Variants in SLC9D1 observed in about 807,000 individuals in gnomAD.
SLC9D1 encodes putative LAG1-interacting protein.
chr13:113,503,334 A>G, the SLC9D1 span, among the ~76,000 whole-genome samples: 1 of 122,938 alleles, frequency 8.1e-6, no homozygotes, highest in Non-Finnish European at 1.6e-5. Flanking sequence ...TAATCGAAGT[A>G]CACTGTGTGA....
At chr13:113,532,079 C>T in the SLC9D1 span, among the ~76,000 whole-genome samples, 1 of 152,268 alleles carries the variant, frequency 6.6e-6, no homozygotes. Flanking sequence ...TACCAGGCTG[C>T]CATAATAGGT....
chr13:113,495,925 A>G, the SLC9D1 span: 7 of 1,614,138 alleles, frequency 4.3e-6, no homozygotes, highest in Non-Finnish European at 5.9e-6. Context: ...CAAGCTGTCT[A>G]CGGACTGCAG....
chr13:113,515,558 T>A, the SLC9D1 span, among the ~76,000 whole-genome samples: 9 of 152,276 alleles, frequency 5.9e-5, no homozygotes, highest in South Asian at 1.4e-3. Flanking sequence ...TTTGTACCTT[T>A]TTTCTTGATC....
chr13:113,519,761 C>G, the SLC9D1 span, among the ~76,000 whole-genome samples: 1 of 149,836 alleles, frequency 6.7e-6, no homozygotes, highest in African/African-American at 2.5e-5. Flanking sequence ...CCAAGTCTGT[C>G]TTGGTCTCAC....
chr13:113,503,345 TTGTGTGTGTG>T, the SLC9D1 span: 9,197 of 474,870 alleles, frequency 0.019, 134 homozygotes, highest in East Asian at 0.096. Context: ...CACTGTGTGA[TTGTGTGTGTG>T]TGTGTGTGTG....
At chr13:113,514,533 C>CTGT in the SLC9D1 span, 115 of 130,904 alleles carry the variant, frequency 8.8e-4, no homozygotes, top group African/African-American at 1.3e-3. Context: ...CCGAGTCTTG[C>CTGT]AACAGGAAGA....
At chr13:113,502,017 T>A in the SLC9D1 span, 20 of 711,130 alleles carry the variant, frequency 2.8e-5, no homozygotes, top group East Asian at 5.9e-4. Flanking sequence ...TCCTTTCAGG[T>A]GTCACGGGAA....
At chr13:113,525,241 T>A in the SLC9D1 span, among the ~76,000 whole-genome samples, 3 of 152,328 alleles carry the variant, frequency 2.0e-5, no homozygotes, top group African/African-American at 7.2e-5. Context: ...GGTGGGATTC[T>A]CTGGACCTGA....
the SLC9D1 span, among the ~76,000 whole-genome samples, chr13:113,526,493 A>C: frequency 6.6e-6 from 1 of 151,740 alleles, no homozygotes; most frequent in Non-Finnish European, 1.5e-5. Flanking sequence ...CCAAGGCGGG[A>C]GGATTGCTTG....
At chr13:113,547,260 C>T in the SLC9D1 span, 13 of 1,476,920 alleles carry the variant, frequency 8.8e-6, no homozygotes, top group Admixed American at 1.0e-4. Context: ...CTGGGGGAGG[C>T]TGTCCTGCGG....
the SLC9D1 span, chr13:113,510,474 G>C: frequency 6.4e-7 from 1 of 1,557,120 alleles, no homozygotes; most frequent in Non-Finnish European, 8.7e-7. Flanking sequence ...CTCGTGTGTA[G>C]GTGACTTTTG....
the SLC9D1 span, chr13:113,549,788 C>G: frequency 9.2e-6 from 6 of 651,530 alleles, no homozygotes; most frequent in Non-Finnish European, 1.4e-5. Context: ...TTACCGATCA[C>G]CTTGAATGTG....
At chr13:113,514,666 A>G in the SLC9D1 span, among the ~76,000 whole-genome samples, 1 of 148,028 alleles carries the variant, frequency 6.8e-6, no homozygotes, top group South Asian at 2.1e-4. Context: ...GAGCCTCGCT[A>G]GTATTCGGGG....
the SLC9D1 span, among the ~76,000 whole-genome samples, chr13:113,492,587 A>G: frequency 1.3e-5 from 2 of 152,166 alleles, no homozygotes; most frequent in African/African-American, 4.8e-5. Flanking sequence ...CCGCATTGTT[A>G]TGTGTATCAA....
the SLC9D1 span, among the ~76,000 whole-genome samples, chr13:113,510,028 G>C: frequency 2.2e-4 from 33 of 152,256 alleles, no homozygotes; most frequent in African/African-American, 7.7e-4. Flanking sequence ...GTGCGTGTGC[G>C]TGTATTGTGT....
At chr13:113,518,666 A>T in the SLC9D1 span, among the ~76,000 whole-genome samples, 1 of 152,076 alleles carries the variant, frequency 6.6e-6, no homozygotes, top group Non-Finnish European at 1.5e-5. Context: ...AGATGAAGAG[A>T]GATGCGGTGA....
At chr13:113,515,232 A>G in the SLC9D1 span, among the ~76,000 whole-genome samples, 1 of 152,254 alleles carries the variant, frequency 6.6e-6, no homozygotes, top group African/African-American at 2.4e-5. Context: ...AATCAACTGA[A>G]TATTCAGTAA....
At chr13:113,513,475 G>T in the SLC9D1 span, among the ~76,000 whole-genome samples, 1 of 152,176 alleles carries the variant, frequency 6.6e-6, no homozygotes, top group African/African-American at 2.4e-5. Context: ...TAAAGGCCAG[G>T]CTAAAACTCT....
chr13:113,496,723 C>T, the SLC9D1 span, among the ~76,000 whole-genome samples: 1 of 152,166 alleles, frequency 6.6e-6, no homozygotes. Flanking sequence ...AAAATACAGA[C>T]ATTAAACTTT....
Sources: allele counts gnomAD v4.1 joint callset (sites outside exome capture counted in the v4.1 genomes callset), GRCh38; gene constraint gnomAD v4.1.1; transcripts MANE v1.5; gene names NCBI Gene and HGNC (gene_info 2026-07-23, HGNC 2026-07-21).